Variants in MAGI3 observed in about 807,000 individuals in gnomAD.
MAGI3 encodes membrane associated guanylate kinase, WW and PDZ domain containing 3, also known as membrane-associated guanylate kinase, WW and PDZ domain-containing protein 3.
Under a neutral mutation model 121.8 loss-of-function variants are expected in MAGI3, and 43 were observed. The observed-to-expected ratio is 0.35, with a 90% CI of 0.28 to 0.46. MAGI3 has a LOEUF of 0.46. MAGI3 is among the 20% of genes least tolerant of loss of function. The probability of loss-of-function intolerance (pLI) is 1.00; values close to 1 mark genes in which losing one functional copy is unlikely to be tolerated. For missense variants in MAGI3, 1,547 were observed against 1,797.3 expected (o/e 0.86, Z 2.52); for synonymous variants, 553 against 639.3 (o/e 0.86, Z 2.04).
intron 2 of MAGI3, among the ~76,000 whole-genome samples, chr1:113,563,186 A>G (rs970086808): frequency 6.6e-6 from 1 of 152,224 alleles, no homozygotes; most frequent in Non-Finnish European, 1.5e-5. Flanking sequence ...TAATATAGTA[A>G]TATTAGAAAA....
At chr1:113,540,272 C>G (rs1363005939) in intron 1 of MAGI3, among the ~76,000 whole-genome samples, 2 of 152,186 alleles carry the variant, frequency 1.3e-5, no homozygotes, top group Non-Finnish European at 2.9e-5. Context: ...TAGCACTATG[C>G]TAGATATTTT....
chr1:113,451,667 G>T (rs549244485), intron 1 of MAGI3, among the ~76,000 whole-genome samples: 72 of 152,182 alleles, frequency 4.7e-4, no homozygotes, highest in African/African-American at 1.7e-3. Context: ...GTATGATCAA[G>T]CAACTATATG....
chr1:113,619,628 T>C, intron 7 of MAGI3, 108 bp from the exon 8 acceptor site: 1 of 726,628 alleles, frequency 1.4e-6, no homozygotes, highest in Non-Finnish European at 2.3e-6. Context: ...AGCCTAAAGA[T>C]ACATATTTGT....
chr1:113,412,986 T>A (rs1652083340), intron 1 of MAGI3, among the ~76,000 whole-genome samples: 1 of 152,256 alleles, frequency 6.6e-6, no homozygotes, highest in Non-Finnish European at 1.5e-5. Flanking sequence ...GCCTAGGTTT[T>A]CTTCTAGGGT....
In MAGI3 at chr1:113,391,524, C is replaced by G. The variant is rs578048948; in HGVS notation, c.316+175C>G. On this transcript the variant is annotated intron_variant, in intron 1 of 20. Transcript: ENST00000307546. The surrounding 1 kb of genome is among the most constrained non-coding windows in gnomAD (Gnocchi z 4.4). ...GTGGCGTTGGTGAGTCCCATTTTGC[C>G]GAAGGGAAAACTGAGCTCTGGCTTG... Among the ~76,000 whole-genome samples, 3 of 152,170 alleles carry G rather than the reference C, an allele frequency of 2.0e-5. No individual in the cohort carries two copies. Among genetic ancestry groups the G allele is most frequent in the South Asian group, 2.1e-4 (1 of 4,818 alleles).
At chr1:113,623,916 G>GT (rs1342522984) in intron 9 of MAGI3, among the ~76,000 whole-genome samples, 5 of 152,062 alleles carry the variant, frequency 3.3e-5, no homozygotes, top group African/African-American at 9.7e-5. Flanking sequence ...TAGTTCAGTT[G>GT]TTTTAATTTT....
At chr1:113,450,114 A>G in intron 1 of MAGI3, 2 of 1,449,816 alleles carry the variant, frequency 1.4e-6, no homozygotes, top group Non-Finnish European at 1.9e-6. Context: ...TACGGAAGAC[A>G]GGCAGAGTGG....
intron 9 of MAGI3, among the ~76,000 whole-genome samples, chr1:113,637,398 T>C (rs1270922083): frequency 6.6e-6 from 1 of 152,244 alleles, no homozygotes; most frequent in East Asian, 1.9e-4. Context: ...TAGTGCTTCC[T>C]TCAGGAGCTC....
chr1:113,470,016 A>G (rs1040331230), intron 1 of MAGI3, among the ~76,000 whole-genome samples: 2 of 152,158 alleles, frequency 1.3e-5, no homozygotes, highest in African/African-American at 4.8e-5. Flanking sequence ...GATTCTTTTC[A>G]GTAGTGGCAT....
At chr1:113,487,750 GT>G (rs371019698) in intron 1 of MAGI3, among the ~76,000 whole-genome samples, 45 of 144,026 alleles carry the variant, frequency 3.1e-4, no homozygotes, top group East Asian at 6.2e-4. Context: ...ATTGACATCT[GT>G]TTTTTTTTTC....
intron 9 of MAGI3, among the ~76,000 whole-genome samples, chr1:113,641,648 T>G (rs1652538786): frequency 6.9e-6 from 1 of 145,776 alleles, no homozygotes; most frequent in South Asian, 2.2e-4. Flanking sequence ...ATTATCAGGG[T>G]TTTTTTTTTA....
chr1:113,401,729 TA>T (rs1651418158), intron 1 of MAGI3, among the ~76,000 whole-genome samples: 1 of 152,208 alleles, frequency 6.6e-6, no homozygotes, highest in African/African-American at 2.4e-5. Flanking sequence ...GAACGTACTT[TA>T]GAATTAGGGA....
At chr1:113,496,802 T>C (rs1656938362) in intron 1 of MAGI3, among the ~76,000 whole-genome samples, 1 of 152,236 alleles carries the variant, frequency 6.6e-6, no homozygotes, top group Non-Finnish European at 1.5e-5. Flanking sequence ...AATGAGCAAG[T>C]AAATTTGTAG....
chr1:113,407,208 G>C (rs985176266), intron 1 of MAGI3, among the ~76,000 whole-genome samples: 1 of 152,074 alleles, frequency 6.6e-6, no homozygotes, highest in African/African-American at 2.4e-5. Flanking sequence ...GTGGAAGGAG[G>C]GCAAGAGTGG....
intron 1 of MAGI3, among the ~76,000 whole-genome samples, chr1:113,417,599 C>T (rs1365745431): frequency 6.6e-6 from 1 of 152,092 alleles, no homozygotes; most frequent in African/African-American, 2.4e-5. Flanking sequence ...CTTTCCTACT[C>T]CCTCCTCCCC....
chr1:113,540,357 G>T (rs571980367), intron 1 of MAGI3, among the ~76,000 whole-genome samples: 4 of 152,324 alleles, frequency 2.6e-5, no homozygotes, highest in South Asian at 2.1e-4. Flanking sequence ...AAGCAGACAC[G>T]TACCCACTGT....
chr1:113,519,857 A>G (rs1658090870), intron 1 of MAGI3, among the ~76,000 whole-genome samples: 1 of 152,232 alleles, frequency 6.6e-6, no homozygotes, highest in African/African-American at 2.4e-5. Flanking sequence ...ATTTAGGCAA[A>G]ATGAGATATT....
In MAGI3 at chr1:113,685,629, A is replaced by AAATT. The variant is rs1478094284; in HGVS notation, c.*1617_*1620dup. 6.6e-6 allele frequency: 1 copy of AAATT among 152,350 alleles called. No homozygotes were observed. Among genetic ancestry groups the AAATT allele is most frequent in the African/African-American group, 2.4e-5 (1 of 41,448 alleles). The allele number at this position is 152,350 out of a possible 1,614,324, so 9.4% of individuals were successfully genotyped here. A position where few individuals can be genotyped will look rare whatever the true frequency, so the allele number is the denominator to read the frequency against. On this transcript the variant is annotated 3_prime_UTR_variant, in exon 21 of 21. Coordinates refer to ENST00000307546, the MANE Select transcript of MAGI3 (RefSeq NM_001142782.2). ...AAATACTAAGAATTTAGTACCACAG[A>AAATT]AATTATTTATTATTTTCCCTGTAGT...
intron 9 of MAGI3, among the ~76,000 whole-genome samples, chr1:113,630,791 G>A (rs925706397): frequency 1.3e-5 from 2 of 151,984 alleles, no homozygotes; most frequent in African/African-American, 2.4e-5. Context: ...GGCTGCTACC[G>A]GGAGCTAAGG....
Sources: allele counts gnomAD v4.1 joint callset (sites outside exome capture counted in the v4.1 genomes callset), GRCh38; gene constraint gnomAD v4.1.1; non-coding constraint Gnocchi (gnomAD v3.1); transcripts MANE v1.5; gene names NCBI Gene and HGNC (gene_info 2026-07-23, HGNC 2026-07-21).